Variants in GRK4 observed in about 807,000 individuals in gnomAD.
The protein encoded by GRK4 is G protein-coupled receptor kinase 4, also known as G protein-coupled receptor kinase 2-like.
A neutral mutation model predicts 77.9 loss-of-function variants in GRK4; 73 were observed. The observed-to-expected ratio is 0.94, with a 90% CI of 0.78 to 1.14. The LOEUF (loss-of-function observed/expected upper bound fraction) is 1.14, where lower values mean the gene tolerates loss of function less well. Among genes scored for constraint, GRK4 ranks in the 50% most tolerant of loss-of-function variants. GRK4 has a pLI of 0.00. For synonymous variants in GRK4, 257 were observed against 254.4 expected (o/e 1.01, Z -0.10); for missense variants, 729 against 700.2 (o/e 1.04, Z -0.46).
intron 8 of GRK4, among the ~76,000 whole-genome samples, chr4:3,015,724 CAT>C (rs1214838419): frequency 6.6e-6 from 1 of 151,562 alleles, no homozygotes; most frequent in African/African-American, 2.4e-5. Flanking sequence ...ATGTCACTCT[CAT>C]GTGCAATTAC....
chr4:3,037,470 C>G lies in GRK4; in HGVS notation c.1504C>G (p.Arg502Gly). ...LDTADEDFYA[R>G]FATGCVSIPW... ...CACCGCAGATGAAGACTTCTATGCT[C>G]GGTTTGCTACCGGGTGTGTCTCCAT... Residue 502 changes from arginine to glycine, a missense_variant, in exon 14 of 16, where the codon CGG becomes GGG. Arg to Gly is a moderately radical substitution (Grantham distance 125, BLOSUM62 -2). Coordinates refer to ENST00000398052, the MANE Select transcript of GRK4 (RefSeq NM_182982.3). 6.2e-7 allele frequency: 1 copy of G among 1,610,536 alleles called. No homozygotes were observed. Among genetic ancestry groups the G allele is most frequent in the Non-Finnish European group, 8.5e-7 (1 of 1,177,056 alleles).
At chr4:3,009,318 A>T (rs1456144041) in intron 6 of GRK4, among the ~76,000 whole-genome samples, 1 of 149,688 alleles carries the variant, frequency 6.7e-6, no homozygotes, top group Non-Finnish European at 1.5e-5. Flanking sequence ...GCTACTCGGG[A>T]GGCTGAGGCA....
At position 3,019,787 on chromosome 4, in the gene GRK4, G is replaced by C; in HGVS notation, c.888G>C (p.Leu296=). Residue 296 remains leucine, a synonymous_variant, in exon 9 of 16, where the codon CTG becomes CTC. Transcript: ENST00000398052. ...GAGCCGTTTTCTATGCTGCAGAGCT[G>C]TGTTGCGGCTTGGAAGATTTACAGA... ...EQRAVFYAAE[L]CCGLEDLQRE... 1 of 1,614,186 alleles carries C rather than the reference G, an allele frequency of 6.2e-7. No individual in the cohort carries two copies. The highest frequency in any genetic ancestry group is 1.7e-5 in the Admixed American group (1 of 60,028).
intron 1 of GRK4, among the ~76,000 whole-genome samples, chr4:2,976,627 C>CT (rs1305793019): frequency 7.3e-6 from 1 of 137,458 alleles, no homozygotes. Flanking sequence ...AATTTTCTTT[C>CT]TTTCTTTTTT....
In GRK4 at chr4:3,000,102, T is replaced by C. The variant is rs546584090; in HGVS notation, c.340-4129T>C. Among the ~76,000 whole-genome samples, 7 of 152,306 alleles carry C rather than the reference T, an allele frequency of 4.6e-5. No homozygotes were observed. The South Asian group carries it at 1.4e-3, about 32-fold the overall frequency. ...AAAAGCAAGGCACTAAGTCATTTGG[T>C]AAATTTGCCCTGGTAACTACTTATT... On this transcript the variant is annotated intron_variant, in intron 4 of 15. Coordinates refer to ENST00000398052, the MANE Select transcript of GRK4 (RefSeq NM_182982.3).
At chr4:2,976,123 G>C (rs568439808) in intron 1 of GRK4, among the ~76,000 whole-genome samples, 1 of 152,128 alleles carries the variant, frequency 6.6e-6, no homozygotes, top group African/African-American at 2.4e-5. Context: ...GCCCTTTTCT[G>C]CCTATAAAAC....
At chr4:2,996,461 A>T (rs1727946356) in intron 4 of GRK4, among the ~76,000 whole-genome samples, 1 of 152,118 alleles carries the variant, frequency 6.6e-6, no homozygotes. Flanking sequence ...AGGGTGAGGC[A>T]GGAGAATCGC....
In GRK4 at chr4:3,001,237, GTATATATATACATATATGTATATATA is replaced by G. The variant is rs1287060163; in HGVS notation, c.340-2992_340-2967del. On this transcript the variant is annotated intron_variant, in intron 4 of 15. Coordinates refer to ENST00000398052, the MANE Select transcript of GRK4 (RefSeq NM_182982.3). ...TATATATATGTATATATGTGTATGT[GTATATATATACATATATGTATATATA>G]TGTGTGTATGTATGTATGTATACAC... Among the ~76,000 whole-genome samples the G allele has an allele frequency of 3.2e-3, 423 of 133,792 alleles. 6 individuals are homozygous for G. Among genetic ancestry groups the G allele is most frequent in the Non-Finnish European group, 4.0e-3 (254 of 64,066 alleles). The allele number at this position is 133,792 out of a possible 152,430, so 87.8% of individuals were successfully genotyped here. A position where few individuals can be genotyped will look rare whatever the true frequency, so the allele number is the denominator to read the frequency against.
intron 12 of GRK4, 145 bp from the exon 13 acceptor site, chr4:3,035,241 T>C: frequency 1.2e-6 from 1 of 824,534 alleles, no homozygotes; most frequent in Non-Finnish European, 2.0e-6. Flanking sequence ...CGAGACTCCA[T>C]CTCAAAAAAA....
intron 7 of GRK4, 70 bp from the exon 8 acceptor site, chr4:3,013,618 G>T (rs1733555843): frequency 1.3e-6 from 2 of 1,535,426 alleles, no homozygotes; most frequent in South Asian, 2.6e-5. Flanking sequence ...ATCAAGCAAA[G>T]AGCTTCCTTT....
intron 6 of GRK4, among the ~76,000 whole-genome samples, chr4:3,008,370 G>A (rs1347817466): frequency 6.6e-6 from 1 of 152,178 alleles, no homozygotes; most frequent in Non-Finnish European, 1.5e-5. Context: ...GGCTTAGCTT[G>A]TATGAGTGGC....
chr4:2,986,280 C>CTT (rs143296789), intron 2 of GRK4, among the ~76,000 whole-genome samples: 1 of 130,650 alleles, frequency 7.7e-6, no homozygotes, highest in African/African-American at 2.8e-5. Context: ...AGAACATTTC[C>CTT]TTTTTTTTTT....
chr4:3,007,351 C>T (rs1003329946), intron 5 of GRK4, among the ~76,000 whole-genome samples: 1 of 152,200 alleles, frequency 6.6e-6, no homozygotes, highest in Non-Finnish European at 1.5e-5. Flanking sequence ...GGTAAGTTGG[C>T]TCAGGTCCCT....
At chr4:3,011,686 G>A (rs957802427) in intron 7 of GRK4, among the ~76,000 whole-genome samples, 2 of 152,178 alleles carry the variant, frequency 1.3e-5, no homozygotes, top group Non-Finnish European at 2.9e-5. Flanking sequence ...GGACAGCCTC[G>A]GTGCCCTTTA....
intron 8 of GRK4, among the ~76,000 whole-genome samples, chr4:3,016,154 C>T (rs1458563052): frequency 6.7e-6 from 1 of 149,966 alleles, no homozygotes; most frequent in African/African-American, 2.4e-5. Flanking sequence ...GTGATCTACC[C>T]ACCTTGGCCT....
At chr4:3,038,618 CTACAGGCAG>C (rs1741523517) in intron 15 of GRK4, 105 bp downstream of exon 15, 1 of 1,279,950 alleles carries the variant, frequency 7.8e-7, no homozygotes, top group South Asian at 1.4e-5. Context: ...GCGATGGCTC[CTACAGGCAG>C]TTTTATACAG....
intron 9 of GRK4, among the ~76,000 whole-genome samples, chr4:3,020,747 A>T (rs1399725072): frequency 6.6e-6 from 1 of 152,024 alleles, no homozygotes. Flanking sequence ...AGATTCAAAG[A>T]GCTGTGAATC....
chr4:2,984,563 A>G lies in GRK4; in HGVS notation c.103A>G (p.Thr35Ala). Residue 35 changes from threonine (T) to alanine (A), a missense_variant, in exon 2 of 16, where the codon ACA becomes GCA. Thr to Ala is a moderately conservative substitution (Grantham distance 58). Transcript: ENST00000398052. Reference protein sequence around the residue: ...GRSKKWKEILTLPPVSQCSEL... With the variant: ...GRSKKWKEILALPPVSQCSEL... The stretch of plus-strand genomic sequence containing the variant: ...TAGTAAAAAATGGAAGGAGATACTG[A>G]CACTGCCTCCTGTCAGCCAGTGCAG... The G allele has an allele frequency of 6.2e-7, 1 of 1,613,248 alleles. No homozygotes were observed. Among genetic ancestry groups the G allele is most frequent in the Non-Finnish European group, 8.5e-7 (1 of 1,179,536 alleles).
chr4:3,034,909 A>G (rs1466752275), intron 12 of GRK4, among the ~76,000 whole-genome samples: 1 of 152,178 alleles, frequency 6.6e-6, no homozygotes, highest in Non-Finnish European at 1.5e-5. Flanking sequence ...GAAGTGTCAT[A>G]TAATTTAATG....
Sources: gnomAD v4.1 joint callset for allele counts (sites outside exome capture counted in the v4.1 genomes callset) on GRCh38, gnomAD v4.1.1 for gene constraint, MANE v1.5 for transcripts, NCBI Gene and HGNC (gene_info 2026-07-23, HGNC 2026-07-21) for gene names.